Variants in TMEFF1 observed in about 807,000 individuals in gnomAD.
TMEFF1 encodes the protein transmembrane protein with EGF like and two follistatin like domains 1.
TMEFF1 carries 20 observed loss-of-function variants against 47.5 expected under a neutral mutation model. The ratio of observed to expected loss-of-function variants is 0.42; its 90% CI spans 0.30 to 0.61. TMEFF1 has a LOEUF of 0.61. Among genes scored for constraint, TMEFF1 ranks in the 20% least tolerant of loss-of-function variants. The pLI is 0.19. For synonymous variants in TMEFF1, 162 were observed against 166.3 expected (o/e 0.97, Z 0.20); for missense variants, 411 against 471.1 (o/e 0.87, Z 1.18).
rs1017601337 is a variant in TMEFF1 at position 100,577,393 on chromosome 9, T to C, written c.*793T>C. The C allele has an allele frequency of 5.2e-5, 8 of 152,648 alleles. No individual in the cohort carries two copies. The highest frequency in any genetic ancestry group is 1.3e-4 in the Admixed American group (2 of 15,270). 9.5% of individuals were successfully genotyped at this position (152,648 alleles called of 1,614,324 possible). A position where few individuals can be genotyped will look rare whatever the true frequency, so the allele number is the denominator to read the frequency against. ...TACAAAAATGATTGTTAATGATTGG[T>C]GCTCTTAAAGTGAGCTTAAAATTTA... On this transcript the variant is annotated 3_prime_UTR_variant, in exon 10 of 10. Transcript: ENST00000374879.
At chr9:100,540,489 T>G (rs1380160902) in intron 5 of TMEFF1, among the ~76,000 whole-genome samples, 3 of 152,176 alleles carry the variant, frequency 2.0e-5, no homozygotes, top group Admixed American at 6.5e-5. Flanking sequence ...CCTTGCCAAG[T>G]GCCCACCCGT....
At chr9:100,517,489 A>G (rs1252228980) in intron 5 of TMEFF1, among the ~76,000 whole-genome samples, 3 of 152,180 alleles carry the variant, frequency 2.0e-5, no homozygotes, top group African/African-American at 7.2e-5. Context: ...CGAGCCTTTC[A>G]CTGAACAGTA....
intron 2 of TMEFF1, among the ~76,000 whole-genome samples, chr9:100,507,262 G>C (rs900449792): frequency 1.3e-5 from 2 of 152,070 alleles, no homozygotes; most frequent in African/African-American, 4.8e-5. Context: ...ATTCACCATT[G>C]TTGGGCACCT....
chr9:100,535,778 A>G (rs1838491651), intron 5 of TMEFF1, among the ~76,000 whole-genome samples: 1 of 152,144 alleles, frequency 6.6e-6, no homozygotes, highest in Admixed American at 6.5e-5. Context: ...AACAAAACAA[A>G]ACTAAACTAA....
chr9:100,554,562 G>T (rs1205201352), intron 7 of TMEFF1, among the ~76,000 whole-genome samples: 1 of 152,034 alleles, frequency 6.6e-6, no homozygotes, highest in Non-Finnish European at 1.5e-5. Context: ...GTTAGAAAAG[G>T]TGTTTCTCTG....
chr9:100,555,949 T>G (rs1255506111), intron 7 of TMEFF1, among the ~76,000 whole-genome samples: 1 of 152,216 alleles, frequency 6.6e-6, no homozygotes, highest in Non-Finnish European at 1.5e-5. Context: ...CCATATAGAA[T>G]GGCAGAACAG....
At chr9:100,539,352 T>C (rs1401293348) in intron 5 of TMEFF1, among the ~76,000 whole-genome samples, 1 of 152,244 alleles carries the variant, frequency 6.6e-6, no homozygotes, top group East Asian at 1.9e-4. Context: ...GTTTTTGGTC[T>C]CACCAACTTC....
Position 100,531,858 on chromosome 9 carries a change from A to C in TMEFF1, c.560+15087A>C, listed in dbSNP as rs978756387. On this transcript the variant is annotated intron_variant, in intron 5 of 9. Transcript: ENST00000374879. ...TCAAACTATACTACAAGGCTACAGTAACCAAAACAGCATGGTACTGGTACC... is the reference window on the plus strand; with the variant it reads ...TCAAACTATACTACAAGGCTACAGTCACCAAAACAGCATGGTACTGGTACC... 6.6e-5 allele frequency among the ~76,000 whole-genome samples: 10 copies of C among 152,130 alleles called. 1 individual carries two copies. Among genetic ancestry groups the C allele is most frequent in the Admixed American group, 5.9e-4 (9 of 15,270 alleles).
intron 9 of TMEFF1, among the ~76,000 whole-genome samples, 156 bp from the exon 10 acceptor site, chr9:100,576,360 T>G (rs764383572): frequency 1.3e-5 from 2 of 152,238 alleles, no homozygotes; most frequent in Non-Finnish European, 2.9e-5. Context: ...CATCTTCATC[T>G]TGTCTTGCAA....
chr9:100,568,477 TC>T (rs1039200440), intron 8 of TMEFF1, among the ~76,000 whole-genome samples: 3 of 152,174 alleles, frequency 2.0e-5, no homozygotes, highest in Admixed American at 2.0e-4. Flanking sequence ...GAGATTAAGT[TC>T]CCTTAAGTTT....
At chr9:100,495,326 A>G (rs1017238573) in intron 1 of TMEFF1, among the ~76,000 whole-genome samples, 2 of 152,166 alleles carry the variant, frequency 1.3e-5, no homozygotes. Flanking sequence ...ATTCTTTATA[A>G]TGATCCTGTA....
At chr9:100,509,196 G>T in intron 3 of TMEFF1, 62 bp downstream of exon 3, 1 of 1,417,084 alleles carries the variant, frequency 7.1e-7, no homozygotes, top group South Asian at 1.7e-5. Context: ...TCTAAAAGGG[G>T]GTTTTGAGTC....
At position 100,511,970 on chromosome 9, in the gene TMEFF1, T is replaced by G. The variant is rs73655581; in HGVS notation, c.437-1337T>G. Among the ~76,000 whole-genome samples, 988 of 152,326 alleles carry G rather than the reference T, an allele frequency of 6.5e-3. 9 individuals carry two copies. Among genetic ancestry groups the G allele is most frequent in the African/African-American group, 0.023 (951 of 41,572 alleles). On this transcript the variant is annotated intron_variant, in intron 3 of 9. Transcript: ENST00000374879. ...TGACGAAGGTATGAGATTTTTATAT[T>G]TATTAAAAGTAGACATGGTTTGAAA...
chr9:100,518,423 C>T (rs977011511), intron 5 of TMEFF1: 1 of 985,286 alleles, frequency 1.0e-6, no homozygotes, highest in East Asian at 1.1e-4. Context: ...GTTGCAGATA[C>T]CAGCTCTAAG....
chr9:100,513,396 T>C, intron 4 of TMEFF1, 63 bp downstream of exon 4: 4 of 1,404,014 alleles, frequency 2.8e-6, no homozygotes, highest in South Asian at 1.5e-5. Flanking sequence ...TCTTTTTCTT[T>C]TTTTTTTTTT....
intron 8 of TMEFF1, among the ~76,000 whole-genome samples, chr9:100,563,903 T>C (rs1181892702): frequency 6.6e-6 from 1 of 152,250 alleles, no homozygotes; most frequent in African/African-American, 2.4e-5. Flanking sequence ...TTGATCTTTT[T>C]CTTTTGTCTG....
intron 1 of TMEFF1, among the ~76,000 whole-genome samples, chr9:100,490,925 C>G (rs555012872): frequency 1.3e-5 from 2 of 150,668 alleles, no homozygotes; most frequent in African/African-American, 2.4e-5. Context: ...TATATTGTCC[C>G]GGCTGATCTT....
chr9:100,481,202 T>G (rs1469840259), intron 1 of TMEFF1, among the ~76,000 whole-genome samples: 3 of 151,610 alleles, frequency 2.0e-5, no homozygotes, highest in Non-Finnish European at 2.9e-5. Context: ...CTAGGACACC[T>G]TTTCCTGTGT....
rs1330195673 is a variant in TMEFF1, at chr9:100,572,644, C to T, written c.1026C>T (p.Ala342=). Residue 342 remains alanine (A), a synonymous_variant, in exon 9 of 10, where the codon GCC becomes GCT. Transcript: ENST00000374879. The part of the protein sequence containing the change: ...IAAIIGAVQI[A]IIVAIVMCIT... Reference sequence around the variant, plus strand: ...CAATTATTGGAGCTGTACAGATTGCCATCATAGTAGCAATTGTAATGTGCA... The same window carrying T: ...CAATTATTGGAGCTGTACAGATTGCTATCATAGTAGCAATTGTAATGTGCA... The T allele has an allele frequency of 6.2e-7, 1 of 1,611,824 alleles. No individual in the cohort carries two copies. Among genetic ancestry groups the T allele is most frequent in the East Asian group, 2.2e-5 (1 of 44,786 alleles).
Sources: allele counts gnomAD v4.1 joint callset (sites outside exome capture counted in the v4.1 genomes callset), GRCh38; gene constraint gnomAD v4.1.1; transcripts MANE v1.5; gene names NCBI Gene and HGNC (gene_info 2026-07-23, HGNC 2026-07-21).